Variants in STAG2 observed in about 807,000 individuals in gnomAD.
The protein encoded by STAG2 is STAG2 cohesin complex component.
In STAG2, 14 loss-of-function variants were observed where a neutral mutation model predicts 108.1. The ratio of observed to expected loss-of-function variants is 0.13; its 90% CI spans 0.09 to 0.20. The LOEUF is 0.20. Ranked by LOEUF, STAG2 falls within the 10% of genes least tolerant of loss-of-function variation. STAG2 has a pLI of 1.00. For missense variants in STAG2, 440 were observed against 940.9 expected (o/e 0.47, Z 6.96); for synonymous variants, 307 against 302.7 (o/e 1.01, Z -0.15).
chrX:124,050,418 A>G, intron 11 of STAG2, 109 bp downstream of exon 11: 2 of 840,473 alleles, frequency 2.4e-6, no homozygotes, highest in Non-Finnish European at 3.2e-6. Flanking sequence ...CATTTCTGGA[A>G]GCCTCCCCTT....
chrX:124,014,986 T>TC (rs1186509561), intron 1 of STAG2, among the ~76,000 whole-genome samples: 9 of 77,085 alleles, frequency 1.2e-4, no homozygotes, highest in African/African-American at 4.3e-4. Flanking sequence ...TTTCTTTTTT[T>TC]TTTTTTTTTT....
intron 4 of STAG2, among the ~76,000 whole-genome samples, chrX:124,026,232 G>A (rs1055116996): frequency 9.2e-6 from 1 of 109,239 alleles, no homozygotes; most frequent in East Asian, 2.8e-4. Context: ...TGTTCTGTTG[G>A]CTTTATTTTT....
intron 5 of STAG2, among the ~76,000 whole-genome samples, chrX:124,034,474 G>A (rs1449265235): frequency 8.9e-6 from 1 of 112,061 alleles, no homozygotes; most frequent in African/African-American, 3.2e-5. Flanking sequence ...CAAATTTGAT[G>A]GAGGAAGTCC....
chrX:123,985,638 A>G (rs755537006), intron 1 of STAG2, among the ~76,000 whole-genome samples: 5 of 109,931 alleles, frequency 4.5e-5, no homozygotes, highest in Non-Finnish European at 7.6e-5. Flanking sequence ...GCAAGACCAC[A>G]TAGCTCACTG....
chrX:123,965,395 A>G (rs975694629), intron 1 of STAG2, among the ~76,000 whole-genome samples: 10 of 111,720 alleles, frequency 9.0e-5, no homozygotes, highest in Non-Finnish European at 1.9e-4. Context: ...TTTTCATGAA[A>G]TCAAATTCTA....
chrX:124,048,645 G>T (rs781262913), intron 9 of STAG2, among the ~76,000 whole-genome samples: 1 of 111,217 alleles, frequency 9.0e-6, no homozygotes, highest in South Asian at 3.8e-4. Flanking sequence ...GGCCAGGCTG[G>T]TCTCGAACTC....
At chrX:124,068,078 A>G (rs2058582667) in intron 23 of STAG2, among the ~76,000 whole-genome samples, 1 of 111,486 alleles carries the variant, frequency 9.0e-6, no homozygotes, top group African/African-American at 3.2e-5. Flanking sequence ...GAGATATTTT[A>G]AAGTTTATAG....
rs1355305451 is a variant in STAG2 at position 124,081,427 on chromosome X, A to G, written c.2823A>G (p.Ser941=). 1 of 1,177,504 alleles carries G rather than the reference A, an allele frequency of 8.5e-7. No homozygotes were observed. The highest frequency in any genetic ancestry group is 1.8e-5 in the African/African-American group (1 of 56,371). ...IQENGYNFDR[S]SSTFSGIKEL... ...AAAATGGCTATAATTTTGATAGATC[A>G]TCCTCTACATTTAGTGGCATAAAAG... is the stretch of plus-strand genomic sequence containing the variant. Residue 941 remains serine, a synonymous_variant, in exon 28 of 35, where the codon TCA becomes TCG. Coordinates refer to ENST00000371145, the MANE Select transcript of STAG2 (RefSeq NM_001042750.2).
intron 24 of STAG2, among the ~76,000 whole-genome samples, chrX:124,070,400 C>T (rs919152985): frequency 9.0e-6 from 1 of 111,650 alleles, no homozygotes; most frequent in Admixed American, 9.5e-5. Flanking sequence ...CAGGAATGAT[C>T]TTCCTTTAAA....
At chrX:123,988,866 G>C (rs2055316829) in intron 1 of STAG2, among the ~76,000 whole-genome samples, 1 of 111,288 alleles carries the variant, frequency 9.0e-6, no homozygotes, top group African/African-American at 3.3e-5. Flanking sequence ...TGCTTTTTCA[G>C]TTGTTTCATT....
intron 27 of STAG2, among the ~76,000 whole-genome samples, chrX:124,078,494 C>T (rs1402099617): frequency 1.8e-5 from 2 of 111,335 alleles, no homozygotes; most frequent in African/African-American, 3.3e-5. Context: ...CTGCGATGAC[C>T]GTTGTACAAC....
chrX:124,040,848 TTC>T (rs1162853500), intron 6 of STAG2, among the ~76,000 whole-genome samples: 1 of 101,934 alleles, frequency 9.8e-6, no homozygotes, highest in Middle Eastern at 5.0e-3. Context: ...TCTTCTCCTC[TTC>T]TCTCTTTTTT....
At chrX:123,991,886 A>G (rs1356650375) in intron 1 of STAG2, among the ~76,000 whole-genome samples, 1 of 110,811 alleles carries the variant, frequency 9.0e-6, no homozygotes, top group Non-Finnish European at 1.9e-5. Flanking sequence ...CTGGTCTCGA[A>G]CTCCCAACCT....
chrX:123,966,154 A>G (rs1284378349), intron 1 of STAG2, among the ~76,000 whole-genome samples: 2 of 110,942 alleles, frequency 1.8e-5, no homozygotes, highest in African/African-American at 3.3e-5. Context: ...AGGAACTTTA[A>G]AGACATAGGC....
At chrX:124,040,063 C>T (rs1344724630) in intron 6 of STAG2, among the ~76,000 whole-genome samples, 1 of 111,735 alleles carries the variant, frequency 8.9e-6, no homozygotes, top group African/African-American at 3.3e-5. Flanking sequence ...ACTATATAAT[C>T]AAAGATAAAG....
At position 124,071,339 on chromosome X, in the gene STAG2, T is replaced by C. The variant is rs1420210886; in HGVS notation, c.2533+16T>C. 4 of 1,127,569 alleles carry C rather than the reference T, an allele frequency of 3.5e-6. No homozygotes were observed. In the Admixed American group the frequency reaches 1.1e-4, roughly 30 times the overall value. 92.9% of individuals were successfully genotyped at this position (1,127,569 alleles called of 1,213,427 possible). On this transcript the variant is annotated intron_variant, in intron 25 of 34. Transcript: ENST00000371145. ...AATAGTGCAGGTAATTTTATTGCCATCTTTTTATTAAATCTGTGTCCACCA... is the reference window on the plus strand; with the variant it reads ...AATAGTGCAGGTAATTTTATTGCCACCTTTTTATTAAATCTGTGTCCACCA...
chrX:123,969,355 C>T (rs1192375199), intron 1 of STAG2, among the ~76,000 whole-genome samples: 1 of 111,428 alleles, frequency 9.0e-6, no homozygotes. Flanking sequence ...AATTGTTCCC[C>T]AGTCCTTCAG....
At chrX:123,989,865 G>A (rs2055365911) in intron 1 of STAG2, among the ~76,000 whole-genome samples, 1 of 110,628 alleles carries the variant, frequency 9.0e-6, no homozygotes, top group East Asian at 2.8e-4. Flanking sequence ...GCCTCCCAAA[G>A]TGCTGGGATT....
At chrX:124,000,535 A>C (rs1047460088) in intron 1 of STAG2, among the ~76,000 whole-genome samples, 7 of 109,914 alleles carry the variant, frequency 6.4e-5, no homozygotes, top group Non-Finnish European at 1.3e-4. Context: ...AATTAGCCAG[A>C]CATGGTGGTG....
Sources: allele counts gnomAD v4.1 joint callset (sites outside exome capture counted in the v4.1 genomes callset), GRCh38; gene constraint gnomAD v4.1.1; transcripts MANE v1.5; gene names NCBI Gene and HGNC (gene_info 2026-07-23, HGNC 2026-07-21).